The following HMGN5 variants were observed in gnomAD, a reference collection of about 807,000 sequenced individuals.
The protein encoded by HMGN5 is high mobility group nucleosome-binding domain-containing protein 5.
A neutral mutation model predicts 9.5 loss-of-function variants in HMGN5; 4 were observed. The ratio of observed to expected loss-of-function variants is 0.42; its 90% confidence interval spans 0.21 to 0.96. The LOEUF is 0.96. HMGN5 is among the 40% of genes least tolerant of loss of function. HMGN5 has a pLI of 0.30. For missense variants in HMGN5, 192 were observed against 187.5 expected, an observed-to-expected ratio of 1.02 and a Z score of -0.14; for synonymous variants, 55 against 57.1, an observed-to-expected ratio of 0.96 and a Z score of 0.16.
intron 1 of HMGN5, among the ~76,000 whole-genome samples, chrX:81,130,714 C>T (rs941322354): frequency 1.0e-4 from 11 of 110,465 alleles, no homozygotes; most frequent in Admixed American, 2.0e-4. Flanking sequence ...GCTTGTAGAA[C>T]GTAATTATCC....
intron 1 of HMGN5, among the ~76,000 whole-genome samples, chrX:81,186,076 C>G (rs757290435): frequency 1.8e-5 from 2 of 111,450 alleles, no homozygotes; most frequent in Non-Finnish European, 3.8e-5. Flanking sequence ...CTATAGTTCT[C>G]CTTTTTTGAT....
intron 1 of HMGN5, among the ~76,000 whole-genome samples, chrX:81,179,925 C>G (rs907564357): frequency 9.0e-6 from 1 of 111,642 alleles, no homozygotes; most frequent in East Asian, 2.8e-4. Context: ...TGATCTTTGA[C>G]AAACCTGACA....
chrX:81,123,500 A>G (rs1306395947), intron 1 of HMGN5, among the ~76,000 whole-genome samples: 2 of 112,054 alleles, frequency 1.8e-5, no homozygotes, highest in African/African-American at 6.5e-5. Flanking sequence ...TTATTCTCCA[A>G]CAGTTAGAAG....
intron 4 of HMGN5, 84 bp downstream of exon 4, chrX:81,118,646 T>C: frequency 1.1e-6 from 1 of 902,186 alleles, no homozygotes; most frequent in Non-Finnish European, 1.6e-6. Context: ...CAAAAATAAA[T>C]CGTGTATTGA....
At chrX:81,178,103 G>A (rs751248786) in intron 1 of HMGN5, among the ~76,000 whole-genome samples, 5 of 111,781 alleles carry the variant, frequency 4.5e-5, no homozygotes, top group South Asian at 3.7e-4. Context: ...ATGCCCATAA[G>A]AGAAAGCAGG....
chrX:81,185,293 T>A (rs1389271839), intron 1 of HMGN5, among the ~76,000 whole-genome samples: 1 of 112,021 alleles, frequency 8.9e-6, no homozygotes, highest in Non-Finnish European at 1.9e-5. Flanking sequence ...ATTTCTTACA[T>A]CAATGTTTTA....
chrX:81,168,256 C>T (rs952767139), intron 1 of HMGN5, among the ~76,000 whole-genome samples: 2 of 111,974 alleles, frequency 1.8e-5, no homozygotes, highest in Non-Finnish European at 3.8e-5. Flanking sequence ...AGAACATCCT[C>T]TTTATGATTC....
chrX:81,177,686 C>G (rs1315728411), intron 1 of HMGN5, among the ~76,000 whole-genome samples: 1 of 110,827 alleles, frequency 9.0e-6, no homozygotes, highest in Non-Finnish European at 1.9e-5. Flanking sequence ...ATATCCAGGG[C>G]TTGAACTCAG....
chrX:81,133,261 A>G (rs2147547915), intron 1 of HMGN5, among the ~76,000 whole-genome samples: 1 of 111,784 alleles, frequency 8.9e-6, no homozygotes, highest in East Asian at 2.8e-4. Flanking sequence ...TTATGAGAGT[A>G]TAAATTAGTT....
chrX:81,180,489 A>G (rs1158081682), intron 1 of HMGN5, among the ~76,000 whole-genome samples: 1 of 112,372 alleles, frequency 8.9e-6, no homozygotes, highest in Non-Finnish European at 1.9e-5. Flanking sequence ...GCAAATCAAA[A>G]CCACAGTGAG....
intron 1 of HMGN5, among the ~76,000 whole-genome samples, chrX:81,152,628 A>G (rs1478189936): frequency 2.7e-5 from 3 of 111,263 alleles, no homozygotes; most frequent in Non-Finnish European, 3.8e-5. Context: ...CATTTGACCT[A>G]GCCATCCCAT....
At chrX:81,168,087 C>T (rs1445815163) in intron 1 of HMGN5, among the ~76,000 whole-genome samples, 1 of 111,821 alleles carries the variant, frequency 8.9e-6, no homozygotes, top group Admixed American at 9.5e-5. Flanking sequence ...ATTCTTTTAC[C>T]CATCATGCCC....
intron 1 of HMGN5, among the ~76,000 whole-genome samples, chrX:81,150,672 G>T (rs1268827060): frequency 8.9e-6 from 1 of 111,911 alleles, no homozygotes; most frequent in Non-Finnish European, 1.9e-5. Context: ...CAAAACAAAA[G>T]ATCAATGAAA....
chrX:81,169,096 C>T (rs1437668357), intron 1 of HMGN5, among the ~76,000 whole-genome samples: 1 of 111,637 alleles, frequency 9.0e-6, no homozygotes, highest in Non-Finnish European at 1.9e-5. Flanking sequence ...AGGCCTGTGT[C>T]TCTAAGGTAA....
chrX:81,170,715 G>A (rs777225301), intron 1 of HMGN5, among the ~76,000 whole-genome samples: 5 of 110,848 alleles, frequency 4.5e-5, no homozygotes, highest in Non-Finnish European at 7.6e-5. Context: ...AATAGGAAAC[G>A]CTAACATATC....
At chrX:81,122,326 C>T (rs2075271490) in intron 1 of HMGN5, among the ~76,000 whole-genome samples, 1 of 111,703 alleles carries the variant, frequency 9.0e-6, no homozygotes, top group South Asian at 3.7e-4. Context: ...AGCGGGACTC[C>T]GAGGGAAATG....
chrX:81,117,631 T>A (rs2147534802), intron 5 of HMGN5, among the ~76,000 whole-genome samples: 1 of 111,449 alleles, frequency 9.0e-6, no homozygotes, highest in South Asian at 3.7e-4. Flanking sequence ...AATAGTGGAC[T>A]TGAAAAGTAA....
Position 81,200,816 on chromosome X carries a change from C to A in HMGN5, c.-124+921G>T, listed in dbSNP as rs762294417. ...GCACATGTATACCTATGTAACAAACCTGCACGTTGTGCACATGTACCCTAG... is the reference window on the plus strand; with the variant it reads ...GCACATGTATACCTATGTAACAAACATGCACGTTGTGCACATGTACCCTAG... On this transcript the variant is annotated intron_variant, in intron 1 of 6. Transcript: ENST00000358130. Among the ~76,000 whole-genome samples, 9 of 111,134 alleles carry A rather than the reference C, an allele frequency of 8.1e-5. No individual in the cohort carries two copies. The East Asian group carries it at 2.3e-3, about 28-fold the overall frequency.
chrX:81,142,439 G>A (rs1431890164), intron 1 of HMGN5, among the ~76,000 whole-genome samples: 1 of 111,548 alleles, frequency 9.0e-6, no homozygotes, highest in African/African-American at 3.3e-5. Flanking sequence ...CAAATACAAA[G>A]GATGAAGAAA....
Sources: gnomAD v4.1 joint callset for allele counts (sites outside exome capture counted in the v4.1 genomes callset) on GRCh38, gnomAD v4.1.1 for gene constraint, MANE v1.5 for transcripts, NCBI Gene and HGNC (gene_info 2026-07-23, HGNC 2026-07-21) for gene names.